The following PLXNB1 variants were observed in gnomAD, a reference collection of about 807,000 sequenced individuals.
PLXNB1 encodes plexin-B1.
PLXNB1 carries 106 observed loss-of-function variants against 209.4 expected under a neutral mutation model. The ratio of observed to expected loss-of-function variants is 0.51; its 90% CI spans 0.43 to 0.59. PLXNB1 has a LOEUF of 0.59. Among genes scored for constraint, PLXNB1 ranks in the 20% least tolerant of loss-of-function variants. The pLI is 0.00. For synonymous variants in PLXNB1, 1,167 were observed against 1,183.2 expected (o/e 0.99, Z 0.28); for missense variants, 2,357 against 2,853.2 (o/e 0.83, Z 3.96).
chr3:48,418,886 C>T lies in PLXNB1; in HGVS notation c.2955+31G>A, dbSNP rs905661448. ...CCAGCCTGTGGCCAGTGCAGTGCAC[C>T]CGTGCCCACCCAGGCGCTCATGGTG... On this transcript the variant is annotated intron_variant, in intron 13 of 37. Coordinates refer to ENST00000296440, the MANE Select transcript of PLXNB1 (RefSeq NM_001130082.3). This position sits in a 1 kb window ranked among gnomAD's most constrained non-coding sequence, Gnocchi z 6.6. 9 of 1,612,782 alleles carry T rather than the reference C, an allele frequency of 5.6e-6. No homozygotes were observed. In the Admixed American group the frequency reaches 8.3e-5, roughly 15 times the overall value.
chr3:48,425,835 CAGAGAG>C (rs71074245), intron 1 of PLXNB1, among the ~76,000 whole-genome samples: 1 of 148,856 alleles, frequency 6.7e-6, no homozygotes, highest in African/African-American at 2.6e-5. Context: ...CACACACACA[CAGAGAG>C]AGAGAGATGC....
At position 48,422,164 on chromosome 3, in the gene PLXNB1, G is replaced by T; in HGVS notation, c.1461C>A (p.Asp487Glu). Residue 487 changes from aspartate (D) to glutamate (E), a missense_variant, in exon 6 of 38, where the codon GAC becomes GAA. Transcript: ENST00000296440. ...CCCTGTGAGCAAGGCAAGATGCACA[G>T]TCCAGGTGCTGAGCACAGGAAGCCA... ...VPVASCAQHL[D>E]CASCLAHRDP... The T allele has an allele frequency of 6.2e-7, 1 of 1,614,170 alleles. No homozygotes were observed. The highest frequency in any genetic ancestry group is 8.5e-7 in the Non-Finnish European group (1 of 1,180,016).
chr3:48,407,166 T>C, intron 34 of PLXNB1, 75 bp from the exon 35 acceptor site: 1 of 1,374,422 alleles, frequency 7.3e-7, no homozygotes, highest in South Asian at 1.2e-5. Context: ...TCAAGTGTCC[T>C]GGGTTTCCCA....
At position 48,413,911 on chromosome 3, in the gene PLXNB1, G is replaced by A. The variant is rs2037877138; in HGVS notation, c.4370C>T (p.Ser1457Phe). 1 of 1,610,024 alleles carries A rather than the reference G, an allele frequency of 6.2e-7. No individual in the cohort carries two copies. Among genetic ancestry groups the A allele is most frequent in the Non-Finnish European group, 8.5e-7 (1 of 1,177,410 alleles). ...CCCACTGACCGTGAACTCAGGCAAA[G>A]AGTCAGGTGCCTCTCGGAGGGCATG... ...RHHALREAPD[S>F]LPEFTVQMGN... is the part of the protein sequence containing the mutation. The change falls in exon 22 of 38, where the codon TCT (serine) becomes TTT (phenylalanine). Residue 1457 changes from serine (S) to phenylalanine (F), a missense_variant. Ser to Phe is a radical substitution (Grantham distance 155). Around this residue, in one of 7 missense-constraint regions of PLXNB1, gnomAD observed 743 missense variants for 896.2 expected, o/e 0.83. Transcript: ENST00000296440. This position sits in a 1 kb window ranked among gnomAD's most constrained non-coding sequence, Gnocchi z 5.4.
intron 3 of PLXNB1, 137 bp downstream of exon 3, chr3:48,423,368 A>G (rs1167550581): frequency 1.1e-6 from 1 of 938,122 alleles, no homozygotes; most frequent in Non-Finnish European, 1.6e-6. Context: ...CAACATAGGA[A>G]GCACTTAATA....
rs758354178 is a variant in PLXNB1 at position 48,415,212 on chromosome 3, C to T, written c.3930G>A (p.Thr1310=). The change falls in exon 20 of 38, where the codon ACG becomes ACA. Residue 1310 remains threonine (T), a synonymous_variant. Transcript: ENST00000296440. The surrounding 1 kb of genome is among the most constrained non-coding windows in gnomAD (Gnocchi z 5.0). ...TGCAGGAGGGTCCAAGGGAACATGC[C>T]GTCTCCGGGACCACGCGACGCCTCC... ...LGRRRRVVPE[T]ACSLGPSCSS... is the part of the protein sequence containing the mutation. 5 of 1,613,338 alleles carry T rather than the reference C, an allele frequency of 3.1e-6. No homozygotes were observed. The highest frequency in any genetic ancestry group is 1.3e-5 in the African/African-American group (1 of 74,906).
rs1057301399 is a variant in PLXNB1, at chr3:48,406,969, C to T, written c.6152+58G>A. ...CTCCCCTGCTCCCAACCAGAGCCCA[C>T]CCCCCAAGCCTCAGCTGCACACGCC... On this transcript the variant is annotated intron_variant, in intron 35 of 37. Transcript: ENST00000296440. This position sits in a 1 kb window ranked among gnomAD's most constrained non-coding sequence, Gnocchi z 4.4. 3 of 1,604,214 alleles carry T rather than the reference C, an allele frequency of 1.9e-6. No individual in the cohort carries two copies. In the South Asian group the frequency reaches 3.3e-5, roughly 18 times the overall value.
Position 48,415,643 on chromosome 3 carries a change from T to C in PLXNB1, c.3734A>G (p.Gln1245Arg), listed in dbSNP as rs556198840. The C allele has an allele frequency of 6.3e-7, 1 of 1,579,564 alleles. No individual in the cohort carries two copies. The highest frequency in any genetic ancestry group is 8.6e-7 in the Non-Finnish European group (1 of 1,162,394). ...GATERRLQRG[Q>R]FKYTLDPNIT... ...GTTGGGGTCCAAGGTATACTTGAACTGTCCGCGTTGAAGCCTCCGCTCCGT... is the reference window on the plus strand; with the variant it reads ...GTTGGGGTCCAAGGTATACTTGAACCGTCCGCGTTGAAGCCTCCGCTCCGT... The change falls in exon 19 of 38, where the codon CAG (glutamine) becomes CGG (arginine). Residue 1245 changes from glutamine (Q) to arginine (R), a missense_variant. Gln to Arg is a conservative substitution (Grantham distance 43). Transcript: ENST00000296440. This position sits in a 1 kb window ranked among gnomAD's most constrained non-coding sequence, Gnocchi z 5.0.
At position 48,416,006 on chromosome 3, in the gene PLXNB1, T is replaced by C. The variant is rs1202711735; in HGVS notation, c.3617+25A>G. 1.3e-6 allele frequency: 2 copies of C among 1,596,052 alleles called. No homozygotes were observed. The highest frequency in any genetic ancestry group is 1.7e-6 in the Non-Finnish European group (2 of 1,170,496). ...CTTTCCCCTGGAGCAGATGGATTTT[T>C]GCAGGATGAGGAAGTGGCCCTCACA... On this transcript the variant is annotated intron_variant, in intron 18 of 37. Coordinates refer to ENST00000296440, the MANE Select transcript of PLXNB1 (RefSeq NM_001130082.3). The surrounding 1 kb of genome is among the most constrained non-coding windows in gnomAD (Gnocchi z 4.1).
At position 48,418,197 on chromosome 3, in the gene PLXNB1, G is replaced by A. The variant is rs1184036001; in HGVS notation, c.3216C>T (p.Ile1072=). The A allele has an allele frequency of 6.2e-7, 1 of 1,610,352 alleles. No individual in the cohort carries two copies. Among genetic ancestry groups the A allele is most frequent in the Non-Finnish European group, 8.5e-7 (1 of 1,178,654 alleles). ...GGCCAGCCTTTCAACAAACCGAGTG[G>A]ATGAGGGGCGCTGGGCACTGGGTGG... ...AVATQCPAPL[I]HSVEPLTGPV... Residue 1072 remains isoleucine, a synonymous_variant, in exon 15 of 38, where the codon ATC becomes ATT. Transcript: ENST00000296440. This position sits in a 1 kb window ranked among gnomAD's most constrained non-coding sequence, Gnocchi z 6.6.
intron 1 of PLXNB1, among the ~76,000 whole-genome samples, 164 bp from the exon 2 acceptor site, chr3:48,425,497 A>C (rs1211363955): frequency 2.0e-5 from 3 of 151,528 alleles, no homozygotes; most frequent in Admixed American, 1.3e-4. Context: ...AACACATTCC[A>C]CAGAGGACGC....
chr3:48,417,560 G>A lies in PLXNB1; in HGVS notation c.3374+351C>T, dbSNP rs1213138832. 6.6e-6 allele frequency among the ~76,000 whole-genome samples: 1 copy of A among 152,178 alleles called. No homozygotes were observed. Among genetic ancestry groups the A allele is most frequent in the Non-Finnish European group, 1.5e-5 (1 of 68,022 alleles). On this transcript the variant is annotated intron_variant, in intron 16 of 37. Transcript: ENST00000296440. The surrounding 1 kb of genome is among the most constrained non-coding windows in gnomAD (Gnocchi z 4.4). ...CTGGGGAAGAGTGAGCTGGTGAGAA[G>A]GCCAGCCCCTGAGCTTATCTGTCTG...
chr3:48,403,959 G>A lies in PLXNB1; in HGVS notation c.*527C>T. 6.5e-6 allele frequency: 1 copy of A among 154,578 alleles called. No homozygotes were observed. Among genetic ancestry groups the A allele is most frequent in the Non-Finnish European group, 1.4e-5 (1 of 69,182 alleles). The allele number at this position is 154,578 out of a possible 1,614,324, so 9.6% of individuals were successfully genotyped here. ...TCACCATGGCTACCTATGAGGCAGGGCAGCCCTGTGGCAGCCAGCCCTGCT... is the reference window on the plus strand; with the variant it reads ...TCACCATGGCTACCTATGAGGCAGGACAGCCCTGTGGCAGCCAGCCCTGCT... On this transcript the variant is annotated 3_prime_UTR_variant, in exon 38 of 38. Transcript: ENST00000296440.
chr3:48,412,819 C>G lies in PLXNB1; in HGVS notation c.4777G>C (p.Glu1593Gln), dbSNP rs2037783259. 1 of 1,613,740 alleles carries G rather than the reference C, an allele frequency of 6.2e-7. No individual in the cohort carries two copies. The highest frequency in any genetic ancestry group is 8.5e-7 in the Non-Finnish European group (1 of 1,180,012). Reference sequence around the variant, plus strand: ...TGCTCCACAGTGGGCCGTCTGCTCTCAGGCACACCCAGGTCCCGGTGCAAG... The same window carrying G: ...TGCTCCACAGTGGGCCGTCTGCTCTGAGGCACACCCAGGTCCCGGTGCAAG... ...SPLHRDLGVPESRRPTVEQGL... is the reference protein window; with the variant it reads ...SPLHRDLGVPQSRRPTVEQGL... Residue 1593 changes from glutamate to glutamine, a missense_variant, in exon 25 of 38, where the codon GAG becomes CAG. Glu to Gln is a conservative substitution (Grantham distance 29). Around this residue, in one of 7 missense-constraint regions of PLXNB1, gnomAD observed 743 missense variants for 896.2 expected, o/e 0.83. Transcript: ENST00000296440.
At chr3:48,414,736 A>G in intron 21 of PLXNB1, 63 bp downstream of exon 21, 3 of 1,576,646 alleles carry the variant, frequency 1.9e-6, no homozygotes, top group Non-Finnish European at 2.6e-6. Flanking sequence ...CGCCACACAC[A>G]GCAGTGCTGT....
rs1037728725 is a variant in PLXNB1 at position 48,420,418 on chromosome 3, C to T, written c.2029-161G>A. On this transcript the variant is annotated intron_variant, in intron 10 of 37. Coordinates refer to ENST00000296440, the MANE Select transcript of PLXNB1 (RefSeq NM_001130082.3). ...CACTGGAGAAAACTGCGGGGGAAGG[C>T]TCCAGGGGTGTCTGTGCCGAGGTGG... Among the ~76,000 whole-genome samples the T allele has an allele frequency of 5.9e-5, 9 of 152,166 alleles. No homozygotes were observed. In the East Asian group the frequency reaches 1.7e-3, roughly 29 times the overall value.
At position 48,413,985 on chromosome 3, in the gene PLXNB1, C is replaced by T. The variant is rs1244678286; in HGVS notation, c.4296G>A (p.Arg1432=). 2 of 1,613,670 alleles carry T rather than the reference C, an allele frequency of 1.2e-6. No individual in the cohort carries two copies. Among genetic ancestry groups the T allele is most frequent in the Non-Finnish European group, 1.7e-6 (2 of 1,179,934 alleles). ...DGPCVVKTLT[R]HHLYCEPPVE... is the part of the protein sequence containing the mutation. ...CGGGGGGCTCGCAGTACAGGTGGTGCCGCGTCAGCGTCTTCACCACACAGG... is the reference window on the plus strand; with the variant it reads ...CGGGGGGCTCGCAGTACAGGTGGTGTCGCGTCAGCGTCTTCACCACACAGG... Residue 1432 remains arginine (R), a synonymous_variant, in exon 22 of 38, where the codon CGG becomes CGA. Transcript: ENST00000296440. The surrounding 1 kb of genome is among the most constrained non-coding windows in gnomAD (Gnocchi z 5.4).
intron 37 of PLXNB1, 129 bp from the exon 38 acceptor site, chr3:48,404,719 C>T (rs1415268021): frequency 3.4e-5 from 21 of 613,052 alleles, no homozygotes; most frequent in Non-Finnish European, 6.0e-5. Flanking sequence ...CCGGTCACTT[C>T]ACGTACTTTC....
In PLXNB1 at chr3:48,419,745, G is replaced by A. The variant is rs750703416; in HGVS notation, c.2541C>T (p.Gly847=). The stretch of plus-strand genomic sequence containing the variant: ...TCCACTCGTCCGCCTCGGGCAGCTC[G>A]CCGCCTTCTCTCGTGAGCCAGTCCA... ...PALDWLTREG[G]ELPEADEWTG... The change falls in exon 11 of 38, where the codon GGC becomes GGT. Residue 847 remains glycine, a synonymous_variant. Transcript: ENST00000296440. This position sits in a 1 kb window ranked among gnomAD's most constrained non-coding sequence, Gnocchi z 5.7. 16 of 1,609,720 alleles carry A rather than the reference G, an allele frequency of 9.9e-6. No homozygotes were observed. The highest frequency in any genetic ancestry group is 4.0e-5 in the African/African-American group (3 of 74,900).
Sources: gnomAD v4.1 joint callset for allele counts (sites outside exome capture counted in the v4.1 genomes callset) on GRCh38, gnomAD v4.1.1 for gene constraint, gnomAD v4.1.1 regional missense constraint, Gnocchi (gnomAD v3.1) non-coding constraint, MANE v1.5 for transcripts, NCBI Gene and HGNC (gene_info 2026-07-23, HGNC 2026-07-21) for gene names.